The following GPHN variants were observed in gnomAD, a reference collection of about 807,000 sequenced individuals.
GPHN encodes the protein gephyrin.
In GPHN, 17 loss-of-function variants were observed where a neutral mutation model predicts 95.5. The observed-to-expected ratio is 0.18, with a 90% CI of 0.12 to 0.27. The LOEUF (loss-of-function observed/expected upper bound fraction) is 0.27. GPHN is among the 10% of genes least tolerant of loss of function. The pLI is 1.00. For synonymous variants in GPHN, 320 were observed against 322.5 expected, an observed-to-expected ratio of 0.99 and a Z score of 0.08; for missense variants, 660 against 978.1, an observed-to-expected ratio of 0.67 and a Z score of 4.34.
At chr14:67,604,091 C>T in the GPHN span, among the ~76,000 whole-genome samples, 1 of 151,864 alleles carries the variant, frequency 6.6e-6, no homozygotes, top group Non-Finnish European at 1.5e-5. Flanking sequence ...CTCCTGGGTT[C>T]AAGCGATTCT....
chr14:66,641,368 A>G (rs550181469), intron 1 of GPHN, among the ~76,000 whole-genome samples: 3 of 152,332 alleles, frequency 2.0e-5, no homozygotes, highest in African/African-American at 7.2e-5. Context: ...TATGAAATGT[A>G]TTTTTGACTT....
chr14:66,619,950 C>T (rs1051114253), intron 1 of GPHN, among the ~76,000 whole-genome samples: 6 of 152,068 alleles, frequency 3.9e-5, no homozygotes, highest in East Asian at 1.9e-4. Flanking sequence ...AGGACCCTTA[C>T]GGGCCAGGTT....
the GPHN span, chr14:67,586,784 TAAG>T: frequency 1.5e-6 from 2 of 1,369,040 alleles, no homozygotes; most frequent in African/African-American, 1.5e-5. Context: ...ATCCCTTTCT[TAAG>T]AAGGCCCCTT....
intron 1 of GPHN, among the ~76,000 whole-genome samples, chr14:66,668,320 G>C (rs1157815076): frequency 1.3e-5 from 2 of 152,148 alleles, no homozygotes; most frequent in Admixed American, 1.3e-4. Context: ...CTGTTATAAA[G>C]ACACATGCAC....
At chr14:67,579,889 C>A in the GPHN span, 1 of 1,586,044 alleles carries the variant, frequency 6.3e-7, no homozygotes, top group East Asian at 2.3e-5. Context: ...GACAGCCTCC[C>A]ACTAAGCCAG....
chr14:67,204,910 G>C, the GPHN span: 1 of 1,611,286 alleles, frequency 6.2e-7, no homozygotes, highest in Non-Finnish European at 8.5e-7. Context: ...CGACATCACA[G>C]ATGTCACAGA....
At chr14:66,545,197 C>A (rs1212513172) in intron 1 of GPHN, among the ~76,000 whole-genome samples, 1 of 148,902 alleles carries the variant, frequency 6.7e-6, no homozygotes, top group Non-Finnish European at 1.5e-5. Flanking sequence ...AGCGGCTGGC[C>A]GGGCGGGGGG....
the GPHN span, among the ~76,000 whole-genome samples, chr14:67,284,561 A>AC: frequency 1.5e-5 from 2 of 133,990 alleles, no homozygotes; most frequent in African/African-American, 2.8e-5. Context: ...AAAAAAAAAA[A>AC]AAAAAAAAAA....
the GPHN span, among the ~76,000 whole-genome samples, chr14:67,350,431 G>A: frequency 6.6e-6 from 1 of 152,214 alleles, no homozygotes; most frequent in Non-Finnish European, 1.5e-5. Context: ...AACTATGTAA[G>A]AATTACATGT....
At chr14:67,295,516 A>G in the GPHN span, among the ~76,000 whole-genome samples, 15 of 151,982 alleles carry the variant, frequency 9.9e-5, no homozygotes, top group Non-Finnish European at 1.9e-4. Context: ...TTGGAAATTA[A>G]TAAGAAAAAA....
chr14:66,545,624 C>T (rs1384311705), intron 1 of GPHN, among the ~76,000 whole-genome samples: 1 of 112,764 alleles, frequency 8.9e-6, no homozygotes, highest in Non-Finnish European at 1.7e-5. Flanking sequence ...CCCCCCACCT[C>T]CCTCCCGGAC....
the GPHN span, among the ~76,000 whole-genome samples, chr14:67,430,007 C>G: frequency 6.6e-6 from 1 of 152,166 alleles, no homozygotes; most frequent in African/African-American, 2.4e-5. Context: ...AGATGGTACC[C>G]AGGTTTGTCT....
the GPHN span, chr14:67,727,268 C>A: frequency 1.8e-6 from 2 of 1,097,238 alleles, no homozygotes; most frequent in Non-Finnish European, 2.7e-6. Context: ...GGAAGTCAGG[C>A]TGTCAAACAT....
the GPHN span, chr14:67,312,657 A>C: frequency 6.2e-7 from 1 of 1,613,348 alleles, no homozygotes; most frequent in South Asian, 1.1e-5. Flanking sequence ...AACTGGTGGC[A>C]GGCCTACAGG....
At chr14:67,343,476 C>G in the GPHN span, 1 of 1,402,944 alleles carries the variant, frequency 7.1e-7, no homozygotes, top group Non-Finnish European at 1.0e-6. Flanking sequence ...AGCACAAAGT[C>G]TTCCTAATCA....
the GPHN span, among the ~76,000 whole-genome samples, chr14:67,548,219 TCATTCTTG>T: frequency 6.6e-6 from 1 of 152,242 alleles, no homozygotes; most frequent in East Asian, 1.9e-4. Context: ...TTGGACTTTT[TCATTCTTG>T]CTAAACCTGT....
intron 1 of GPHN, among the ~76,000 whole-genome samples, chr14:66,606,008 T>C (rs183967709): frequency 1.3e-5 from 2 of 152,290 alleles, no homozygotes; most frequent in South Asian, 2.1e-4. Flanking sequence ...TAGGTCCCAC[T>C]TGTCAATTTT....
intron 13 of GPHN, among the ~76,000 whole-genome samples, chr14:67,105,146 G>T (rs1373548767): frequency 2.0e-5 from 3 of 152,054 alleles, no homozygotes; most frequent in Non-Finnish European, 4.4e-5. Flanking sequence ...GTACAATTTT[G>T]AATGTTCCTC....
At chr14:66,653,222 A>C (rs2065134309) in intron 1 of GPHN, among the ~76,000 whole-genome samples, 1 of 152,112 alleles carries the variant, frequency 6.6e-6, no homozygotes, top group African/African-American at 2.4e-5. Context: ...GTGATGGTTT[A>C]CTGGATATTT....
Sources: gnomAD v4.1 joint callset for allele counts (sites outside exome capture counted in the v4.1 genomes callset) on GRCh38, gnomAD v4.1.1 for gene constraint, MANE v1.5 for transcripts, NCBI Gene and HGNC (gene_info 2026-07-23, HGNC 2026-07-21) for gene names.